Variants in HPCAL1 observed in about 807,000 individuals in gnomAD.
The protein encoded by HPCAL1 is hippocalcin-like protein 1.
HPCAL1 carries 8 observed loss-of-function variants against 17.1 expected under a neutral mutation model. The ratio of observed to expected loss-of-function variants is 0.47; its 90% CI spans 0.27 to 0.84. The LOEUF is 0.84. Ranked by LOEUF, HPCAL1 falls within the 40% of genes least tolerant of loss-of-function variation. The probability of loss-of-function intolerance (pLI) is 0.13; values close to 1 mark genes in which losing one functional copy is unlikely to be tolerated. For synonymous variants in HPCAL1, 112 were observed against 111.4 expected (o/e 1.01, Z -0.03); for missense variants, 165 against 271.1 (o/e 0.61, Z 2.75).
In HPCAL1 at chr2:10,419,742, G is replaced by A. The variant is rs751061337; in HGVS notation, c.-16G>A. The A allele has an allele frequency of 5.6e-6, 9 of 1,598,148 alleles. No homozygotes were observed. Among genetic ancestry groups the A allele is most frequent in the African/African-American group, 1.3e-5 (1 of 74,652 alleles). On this transcript the variant is annotated 5_prime_UTR_variant, in exon 3 of 5. Coordinates refer to ENST00000307845, the MANE Select transcript of HPCAL1 (RefSeq NM_002149.4). This position sits in a 1 kb window ranked among gnomAD's most constrained non-coding sequence, Gnocchi z 5.0. ...GACCCCCTGTCTTGCAGGTGTAGTC[G>A]CCGCCGCCAGCCGCCATGGGCAAAC...
intron 2 of HPCAL1, among the ~76,000 whole-genome samples, chr2:10,399,466 T>TCATCAC (rs1669394936): frequency 2.8e-5 from 1 of 35,468 alleles, no homozygotes; most frequent in Non-Finnish European, 6.0e-5. Context: ...ACCACCACCA[T>TCATCAC]CACCATCATC....
At position 10,365,197 on chromosome 2, in the gene HPCAL1, A is replaced by G. The variant is rs939990608; in HGVS notation, c.-110-31638A>G. On this transcript the variant is annotated intron_variant, in intron 1 of 4. Coordinates refer to ENST00000307845, the MANE Select transcript of HPCAL1 (RefSeq NM_002149.4). The surrounding 1 kb of genome is among the most constrained non-coding windows in gnomAD (Gnocchi z 4.8). ...TACGGAAGGAGAAATGGAGGCCGCCAGAGAGGTCTAGGCCTCCGACCCTGA... is the reference window on the plus strand; with the variant it reads ...TACGGAAGGAGAAATGGAGGCCGCCGGAGAGGTCTAGGCCTCCGACCCTGA... Among the ~76,000 whole-genome samples, 2 of 152,196 alleles carry G rather than the reference A, an allele frequency of 1.3e-5. No homozygotes were observed. The highest frequency in any genetic ancestry group is 2.9e-5 in the Non-Finnish European group (2 of 68,028).
chr2:10,349,032 T>C (rs1158952221), intron 1 of HPCAL1, among the ~76,000 whole-genome samples: 3 of 152,226 alleles, frequency 2.0e-5, no homozygotes, highest in African/African-American at 7.2e-5. Context: ...ATGGTCTTAT[T>C]GTTTTATGTT....
rs59197150 is a variant in HPCAL1 at position 10,418,264 on chromosome 2, C to CATAAATAA, written c.-24-1454_-24-1447dup. ...TGAAACCCTGTCTCTACTAAAAATA[C>CATAAATAA]ATAAATAAATAAATAAATAAATAGC... On this transcript the variant is annotated intron_variant, in intron 2 of 4. Coordinates refer to ENST00000307845, the MANE Select transcript of HPCAL1 (RefSeq NM_002149.4). Among the ~76,000 whole-genome samples the CATAAATAA allele has an allele frequency of 4.9e-4, 71 of 144,260 alleles. No homozygotes were observed. In the South Asian group the frequency reaches 0.013, roughly 26 times the overall value. 94.6% of individuals were successfully genotyped at this position (144,260 alleles called of 152,430 possible).
In HPCAL1 at chr2:10,331,308, C is replaced by T. The variant is rs1279278893; in HGVS notation, c.-111+28131C>T. On this transcript the variant is annotated intron_variant, in intron 1 of 4. Transcript: ENST00000307845. This position sits in a 1 kb window ranked among gnomAD's most constrained non-coding sequence, Gnocchi z 5.0. Reference sequence around the variant, plus strand: ...GAGCCCACAGGCGCCCTTCCTGTCACCCGAGCGCCCTCTCCTTCCTCACCT... The same window carrying T: ...GAGCCCACAGGCGCCCTTCCTGTCATCCGAGCGCCCTCTCCTTCCTCACCT... Among the ~76,000 whole-genome samples the T allele has an allele frequency of 1.3e-5, 2 of 152,154 alleles. No homozygotes were observed. Among genetic ancestry groups the T allele is most frequent in the African/African-American group, 4.8e-5 (2 of 41,434 alleles).
intron 1 of HPCAL1, among the ~76,000 whole-genome samples, chr2:10,327,013 A>G (rs114221647): frequency 6.6e-6 from 1 of 151,330 alleles, no homozygotes; most frequent in African/African-American, 2.4e-5. Flanking sequence ...ACCAGAGTGA[A>G]CTCCTTCTCC....
rs2125568218 is a variant in HPCAL1 at position 10,393,992 on chromosome 2, G to GTA, written c.-110-2842_-110-2841dup. On this transcript the variant is annotated intron_variant, in intron 1 of 4. Coordinates refer to ENST00000307845, the MANE Select transcript of HPCAL1 (RefSeq NM_002149.4). ...AAAAAAAAAAGATTGGGGTGCACCT[G>GTA]TAGTCCCAGTTACTTGGGAGGCTGA... Among the ~76,000 whole-genome samples, 3 of 150,898 alleles carry GTA rather than the reference G, an allele frequency of 2.0e-5. No homozygotes were observed. In the East Asian group the frequency reaches 5.8e-4, roughly 29 times the overall value.
intron 3 of HPCAL1, 54 bp downstream of exon 3, chr2:10,420,189 TCCCAGCC>T (rs1250642421): frequency 8.7e-6 from 7 of 806,456 alleles, no homozygotes; most frequent in South Asian, 1.9e-5. Context: ...CCCTCCCAGC[TCCCAGCC>T]CCCAGCCCAG....
At chr2:10,309,549 G>C (rs1662826014) in intron 1 of HPCAL1, among the ~76,000 whole-genome samples, 1 of 152,140 alleles carries the variant, frequency 6.6e-6, no homozygotes. Context: ...AGCCATGGAA[G>C]CTCCTTCTAG....
At chr2:10,336,184 A>T (rs1664712317) in intron 1 of HPCAL1, among the ~76,000 whole-genome samples, 2 of 140,944 alleles carry the variant, frequency 1.4e-5, no homozygotes, top group Non-Finnish European at 1.5e-5. Context: ...AATTAATTGC[A>T]TGTGCGTATC....
At chr2:10,321,523 C>G (rs1328109416) in intron 1 of HPCAL1, among the ~76,000 whole-genome samples, 2 of 152,002 alleles carry the variant, frequency 1.3e-5, no homozygotes, top group Non-Finnish European at 2.9e-5. Context: ...AATTCAGTTG[C>G]TTTTAGTATA....
At chr2:10,369,073 G>C (rs1235825918) in intron 1 of HPCAL1, 1 of 152,170 alleles carries the variant, frequency 6.6e-6, no homozygotes, top group Non-Finnish European at 1.5e-5. Context: ...GTCGCCTCAG[G>C]CTGGCCACCT....
At chr2:10,357,180 G>C (rs543146811) in intron 1 of HPCAL1, among the ~76,000 whole-genome samples, 1 of 152,246 alleles carries the variant, frequency 6.6e-6, no homozygotes, top group East Asian at 1.9e-4. Flanking sequence ...CAGGGCCTGT[G>C]CTCTCCTTTT....
intron 2 of HPCAL1, among the ~76,000 whole-genome samples, chr2:10,410,961 C>T (rs1262127292): frequency 6.6e-6 from 1 of 150,816 alleles, no homozygotes; most frequent in African/African-American, 2.4e-5. Context: ...AGGCAGCCTG[C>T]GTCGGGCCCG....
Position 10,376,401 on chromosome 2 carries a change from G to A in HPCAL1, c.-110-20434G>A, listed in dbSNP as rs574811632. ...CCTAAAAGGATGAACTTAATTGTGT[G>A]TAAAGTATACCTTAATAAACTTGAC... On this transcript the variant is annotated intron_variant, in intron 1 of 4. Transcript: ENST00000307845. Among the ~76,000 whole-genome samples, 6 of 151,834 alleles carry A rather than the reference G, an allele frequency of 4.0e-5. No individual in the cohort carries two copies. The South Asian group carries it at 1.0e-3, about 26-fold the overall frequency.
In HPCAL1 at chr2:10,374,714, G is replaced by A. The variant is rs115822242; in HGVS notation, c.-110-22121G>A. On this transcript the variant is annotated intron_variant, in intron 1 of 4. Coordinates refer to ENST00000307845, the MANE Select transcript of HPCAL1 (RefSeq NM_002149.4). ...GGGTTGAGCTGGGCACCAGCAGGGA[G>A]GTCTCAGAGTGGAGGCGGCAGTTCC... Among the ~76,000 whole-genome samples, 303 of 152,372 alleles carry A rather than the reference G, an allele frequency of 2.0e-3. 7 individuals are homozygous for A. The South Asian group carries it at 0.024, about 12-fold the overall frequency.
At chr2:10,422,454 G>A (rs538114180) in intron 3 of HPCAL1, among the ~76,000 whole-genome samples, 1 of 152,302 alleles carries the variant, frequency 6.6e-6, no homozygotes, top group South Asian at 2.1e-4. Context: ...CACGCAGAGA[G>A]ACCAGTGGCT....
intron 3 of HPCAL1, 88 bp downstream of exon 3, chr2:10,420,223 T>TTG (rs1179689325): frequency 1.5e-4 from 188 of 1,247,796 alleles, no homozygotes; most frequent in Non-Finnish European, 1.9e-4. Context: ...TTTTTTTTTT[T>TTG]TTTTTTTTAA....
rs549466269 is a variant in HPCAL1, at chr2:10,353,579, T to A, written c.-110-43256T>A. Reference sequence around the variant, plus strand: ...CAGGTTTCTTTTTAAATTTTTTAAATTTTTTTGAGACAGGATCTTGCTCTC... The same window carrying A: ...CAGGTTTCTTTTTAAATTTTTTAAAATTTTTTGAGACAGGATCTTGCTCTC... On this transcript the variant is annotated intron_variant, in intron 1 of 4. Transcript: ENST00000307845. Among the ~76,000 whole-genome samples, 8 of 152,312 alleles carry A rather than the reference T, an allele frequency of 5.3e-5. No homozygotes were observed. The South Asian group carries it at 1.5e-3, about 28-fold the overall frequency.
Sources: allele counts gnomAD v4.1 joint callset (sites outside exome capture counted in the v4.1 genomes callset), GRCh38; gene constraint gnomAD v4.1.1; non-coding constraint Gnocchi (gnomAD v3.1); transcripts MANE v1.5; gene names NCBI Gene and HGNC (gene_info 2026-07-23, HGNC 2026-07-21).